TBC1D1: variants seen among roughly 807,000 people sequenced by gnomAD.
The protein encoded by TBC1D1 is TBC1 (tre-2/USP6, BUB2, cdc16) domain family, member 1.
In TBC1D1, 89 loss-of-function variants were observed where a neutral mutation model predicts 125.6. The observed-to-expected ratio is 0.71, with a 90% confidence interval of 0.60 to 0.85. The LOEUF is 0.85. Ranked by LOEUF, TBC1D1 falls within the 40% of genes least tolerant of loss-of-function variation. The pLI is 0.00. For missense variants in TBC1D1, 1,377 were observed against 1,469.2 expected (o/e 0.94, Z 1.03); for synonymous variants, 565 against 564.1 (o/e 1.00, Z -0.02).
chr4:38,130,232 A>G (rs555637240), intron 18 of TBC1D1, among the ~76,000 whole-genome samples: 1 of 152,342 alleles, frequency 6.6e-6, no homozygotes, highest in South Asian at 2.1e-4. Flanking sequence ...AAGTAAAGGA[A>G]AAGTGGGATA....
At chr4:37,919,965 GA>G (rs1560477503) in intron 2 of TBC1D1, among the ~76,000 whole-genome samples, 1 of 152,046 alleles carries the variant, frequency 6.6e-6, no homozygotes, top group African/African-American at 2.4e-5. Flanking sequence ...ACAAAAAAAT[GA>G]GCCGGGCGTG....
chr4:37,961,003 G>C (rs747568904), intron 2 of TBC1D1: 4 of 1,614,186 alleles, frequency 2.5e-6, no homozygotes, highest in Non-Finnish European at 3.4e-6. Flanking sequence ...GTCGACCCTG[G>C]ATGTTGAATT....
intron 12 of TBC1D1, among the ~76,000 whole-genome samples, chr4:38,062,975 A>G (rs1402716195): frequency 6.6e-6 from 1 of 152,134 alleles, no homozygotes. Context: ...CAGCTGACCC[A>G]TGACGATGCT....
Position 37,913,262 on chromosome 4 carries a change from A to T in TBC1D1, c.417+10750A>T, listed in dbSNP as rs56096817. ...CCTAAGGAATGGTATGAAAAATAAC[A>T]TAGAAGTGAAATTCCTAACCTGATT... On this transcript the variant is annotated intron_variant, in intron 2 of 19. Coordinates refer to ENST00000261439, the MANE Select transcript of TBC1D1 (RefSeq NM_015173.4). 3.7e-3 allele frequency among the ~76,000 whole-genome samples: 560 copies of T among 152,280 alleles called. 2 individuals are homozygous for T. Among genetic ancestry groups the T allele is most frequent in the African/African-American group, 0.013 (533 of 41,546 alleles).
At chr4:38,057,465 G>T (rs2152491861) in intron 12 of TBC1D1, among the ~76,000 whole-genome samples, 1 of 152,314 alleles carries the variant, frequency 6.6e-6, no homozygotes, top group South Asian at 2.1e-4. Flanking sequence ...CAAGTCAGTG[G>T]CTCAGATTCT....
At chr4:37,921,798 G>C (rs901739358) in intron 2 of TBC1D1, among the ~76,000 whole-genome samples, 2 of 152,018 alleles carry the variant, frequency 1.3e-5, no homozygotes, top group Non-Finnish European at 2.9e-5. Context: ...GCTCACTACA[G>C]CCTTGAACTT....
intron 12 of TBC1D1, among the ~76,000 whole-genome samples, chr4:38,067,467 C>T (rs991480921): frequency 6.6e-6 from 1 of 152,178 alleles, no homozygotes; most frequent in African/African-American, 2.4e-5. Context: ...GGCTTTCCTT[C>T]TTCTTACTGG....
At chr4:37,976,664 A>T (rs890339134) in intron 2 of TBC1D1, among the ~76,000 whole-genome samples, 5 of 151,830 alleles carry the variant, frequency 3.3e-5, no homozygotes, top group Admixed American at 3.3e-4. Context: ...TTTTTTTTCA[A>T]CGTGGAACTC....
At chr4:38,115,249 T>C (rs1560820211) in intron 15 of TBC1D1, among the ~76,000 whole-genome samples, 2 of 152,032 alleles carry the variant, frequency 1.3e-5, no homozygotes, top group Admixed American at 6.6e-5. Context: ...TACAGGCACC[T>C]GCCACCACGC....
intron 5 of TBC1D1, 71 bp downstream of exon 5, chr4:38,020,766 G>A: frequency 7.4e-7 from 1 of 1,344,532 alleles, no homozygotes; most frequent in Non-Finnish European, 1.1e-6. Context: ...TGATTTTTCT[G>A]TCCTTAGGGA....
chr4:37,914,924 A>C (rs1371649099), intron 2 of TBC1D1, among the ~76,000 whole-genome samples: 1 of 152,252 alleles, frequency 6.6e-6, no homozygotes, highest in African/African-American at 2.4e-5. Flanking sequence ...ACTAAGCAAT[A>C]TCACTTCATC....
intron 2 of TBC1D1, among the ~76,000 whole-genome samples, chr4:37,976,983 T>C (rs1483205658): frequency 6.6e-6 from 1 of 151,700 alleles, no homozygotes; most frequent in Non-Finnish European, 1.5e-5. Flanking sequence ...GGGGTGGGGG[T>C]CACCCCTGGA....
At chr4:38,003,181 A>G (rs762277665) in intron 2 of TBC1D1, among the ~76,000 whole-genome samples, 8 of 152,212 alleles carry the variant, frequency 5.3e-5, no homozygotes, top group Non-Finnish European at 1.2e-4. Flanking sequence ...ATAAAATACA[A>G]TTAGATCTAT....
At chr4:37,899,961 A>G (rs190217872) in intron 1 of TBC1D1, among the ~76,000 whole-genome samples, 33 of 152,022 alleles carry the variant, frequency 2.2e-4, no homozygotes, top group Admixed American at 2.0e-3. Context: ...TGTACTAAAG[A>G]TACAAAAGAA....
intron 8 of TBC1D1, 43 bp downstream of exon 8, chr4:38,035,741 C>A: frequency 7.1e-7 from 1 of 1,411,482 alleles, no homozygotes; most frequent in Non-Finnish European, 1.0e-6. Flanking sequence ...AAGTCTCTGC[C>A]AAGTCTCTGT....
chr4:38,044,351 C>T lies in TBC1D1; in HGVS notation c.1414-11C>T, dbSNP rs1749000444. 6.3e-7 allele frequency: 1 copy of T among 1,590,444 alleles called. No homozygotes were observed. Among genetic ancestry groups the T allele is most frequent in the Non-Finnish European group, 8.5e-7 (1 of 1,173,486 alleles). ...GAGCGATAAATGACTTTTCGTTTTT[C>T]ACTTTTTTAGACATCGCAGATGGCA... On this transcript the variant is annotated splice_polypyrimidine_tract_variant and intron_variant, in intron 8 of 19. Transcript: ENST00000261439.
intron 12 of TBC1D1, among the ~76,000 whole-genome samples, chr4:38,079,105 G>T (rs1263982936): frequency 7.1e-6 from 1 of 141,266 alleles, no homozygotes; most frequent in Non-Finnish European, 1.5e-5. Context: ...AGGCTCCCAC[G>T]GTGGAGGGGT....
rs75452471 is a variant in TBC1D1, at chr4:37,915,763, G to A, written c.417+13251G>A. Among the ~76,000 whole-genome samples the A allele has an allele frequency of 1.4e-3, 215 of 152,182 alleles. 2 individuals are homozygous for A. The highest frequency in any genetic ancestry group is 4.9e-3 in the African/African-American group (202 of 41,510). On this transcript the variant is annotated intron_variant, in intron 2 of 19. Coordinates refer to ENST00000261439, the MANE Select transcript of TBC1D1 (RefSeq NM_015173.4). ...TCATTTTTCCTTTCCTCCTTCATCA[G>A]GACAGACTCCTGTTGTTCAGCCAGG... is the stretch of plus-strand genomic sequence containing the variant.
chr4:37,923,010 G>C (rs1180860563), intron 2 of TBC1D1, among the ~76,000 whole-genome samples: 1 of 151,954 alleles, frequency 6.6e-6, no homozygotes, highest in African/African-American at 2.4e-5. Flanking sequence ...AGAATGTGCA[G>C]GTTTGTTACA....
Sources: gnomAD v4.1 joint callset for allele counts (sites outside exome capture counted in the v4.1 genomes callset) on GRCh38, gnomAD v4.1.1 for gene constraint, MANE v1.5 for transcripts, NCBI Gene and HGNC (gene_info 2026-07-23, HGNC 2026-07-21) for gene names.